SRPK2: variants seen among roughly 807,000 people sequenced by gnomAD.
The protein encoded by SRPK2 is SFRS protein kinase 2.
In SRPK2, 21 loss-of-function variants were observed where a neutral mutation model predicts 90.8. That is an observed-to-expected ratio of 0.23 (90% confidence interval 0.16 to 0.33). The LOEUF (loss-of-function observed/expected upper bound fraction) is 0.33. Among genes scored for constraint, SRPK2 ranks in the 10% least tolerant of loss-of-function variants. The pLI, the probability that SRPK2 is intolerant of heterozygous loss-of-function variation, is 1.00. For synonymous variants in SRPK2, 288 were observed against 311.1 expected, an observed-to-expected ratio of 0.93 and a Z score of 0.78; for missense variants, 620 against 869.0, an observed-to-expected ratio of 0.71 and a Z score of 3.60.
At chr7:105,157,909 A>T (rs1806772336) in intron 7 of SRPK2, among the ~76,000 whole-genome samples, 1 of 152,090 alleles carries the variant, frequency 6.6e-6, no homozygotes, top group Non-Finnish European at 1.5e-5. Flanking sequence ...CTCTACAAAA[A>T]AATAAAAATT....
intron 2 of SRPK2, among the ~76,000 whole-genome samples, chr7:105,278,143 C>T (rs1401176798): frequency 6.6e-6 from 1 of 151,294 alleles, no homozygotes; most frequent in African/African-American, 2.4e-5. Flanking sequence ...AGGTGAAAAC[C>T]CGTCTCTATT....
chr7:105,222,301 C>T (rs1798193045), intron 2 of SRPK2, among the ~76,000 whole-genome samples: 1 of 152,200 alleles, frequency 6.6e-6, no homozygotes, highest in Non-Finnish European at 1.5e-5. Context: ...GCTTCTGATG[C>T]CCTTGCACAG....
At chr7:105,227,553 T>G (rs1585252567) in intron 2 of SRPK2, among the ~76,000 whole-genome samples, 1 of 152,078 alleles carries the variant, frequency 6.6e-6, no homozygotes, top group Non-Finnish European at 1.5e-5. Flanking sequence ...TCCAGTAGGA[T>G]AACTACAAGT....
intron 3 of SRPK2, among the ~76,000 whole-genome samples, chr7:105,176,621 G>GTATA (rs60848545): frequency 0.42 from 61,800 of 147,560 alleles, 14,129 homozygotes; most frequent in Non-Finnish European, 0.51. Flanking sequence ...ATACGTGTGT[G>GTATA]TATATATATA....
Position 105,308,078 on chromosome 7 carries a change from C to A in SRPK2, c.71+80570G>T, listed in dbSNP as rs186299402. On this transcript the variant is annotated intron_variant, in intron 2 of 15. Transcript: ENST00000393651. ...AGCTTTACTACTATAGTTATGGGTT[C>A]GTCACCCAAATATACCCCAAAATTA... 5.1e-4 allele frequency among the ~76,000 whole-genome samples: 78 copies of A among 152,216 alleles called. 1 individual carries two copies. The highest frequency in any genetic ancestry group is 2.0e-3 in the Admixed American group (31 of 15,288).
At chr7:105,362,317 T>C (rs1289604327) in intron 2 of SRPK2, among the ~76,000 whole-genome samples, 2 of 151,730 alleles carry the variant, frequency 1.3e-5, no homozygotes, top group Non-Finnish European at 2.9e-5. Flanking sequence ...CATTAAAAAG[T>C]CAGGAAATGG....
At chr7:105,337,610 T>C (rs376876117) in intron 2 of SRPK2, among the ~76,000 whole-genome samples, 5 of 152,086 alleles carry the variant, frequency 3.3e-5, no homozygotes, top group East Asian at 3.9e-4. Flanking sequence ...CCACCACCAC[T>C]GGCCTCATGA....
chr7:105,243,968 T>G (rs919902146), intron 2 of SRPK2, among the ~76,000 whole-genome samples: 7 of 152,136 alleles, frequency 4.6e-5, no homozygotes, highest in African/African-American at 1.7e-4. Context: ...CTGCCATTAA[T>G]AAGATGAGTG....
intron 2 of SRPK2, among the ~76,000 whole-genome samples, chr7:105,231,134 T>C (rs1243550632): frequency 6.6e-6 from 1 of 152,194 alleles, no homozygotes; most frequent in Non-Finnish European, 1.5e-5. Context: ...TTGTGCTGAT[T>C]TGATGAGTTC....
At chr7:105,187,108 T>C (rs1439713441) in intron 3 of SRPK2, among the ~76,000 whole-genome samples, 4 of 152,140 alleles carry the variant, frequency 2.6e-5, no homozygotes, top group Non-Finnish European at 5.9e-5. Flanking sequence ...TAAAAAGGGG[T>C]TTAAGGCTAA....
chr7:105,388,132 A>C (rs866536994), intron 2 of SRPK2, among the ~76,000 whole-genome samples: 76 of 152,080 alleles, frequency 5.0e-4, no homozygotes, highest in African/African-American at 1.7e-3. Flanking sequence ...TTCTCAGCAG[A>C]AAGGCCGACA....
chr7:105,301,360 GC>G (rs1810530994), intron 2 of SRPK2, among the ~76,000 whole-genome samples: 1 of 151,762 alleles, frequency 6.6e-6, no homozygotes, highest in South Asian at 2.1e-4. Flanking sequence ...CGCTGCCGAG[GC>G]CAGGGGCACG....
chr7:105,247,561 C>CACACACACACAG (rs1554478329), intron 2 of SRPK2, among the ~76,000 whole-genome samples: 1 of 149,356 alleles, frequency 6.7e-6, no homozygotes, highest in Non-Finnish European at 1.5e-5. Context: ...CACACACACA[C>CACACACACACAG]AGAAGTTATA....
rs560199787 is a variant in SRPK2 at position 105,116,435 on chromosome 7, T to C, written c.*1403A>G. The C allele has an allele frequency of 1.3e-5, 2 of 152,372 alleles. No homozygotes were observed. Among genetic ancestry groups the C allele is most frequent in the African/African-American group, 4.8e-5 (2 of 41,488 alleles). The allele number at this position is 152,372 out of a possible 1,614,324, so 9.4% of individuals were successfully genotyped here. The stretch of plus-strand genomic sequence containing the variant: ...AGACAACTGCAAGCACCTCAAACAA[T>C]GGATTATTGTTACAACACTTGTTAG... On this transcript the variant is annotated 3_prime_UTR_variant, in exon 16 of 16. Coordinates refer to ENST00000393651, the MANE Select transcript of SRPK2 (RefSeq NM_182692.3).
At chr7:105,277,082 T>G (rs1563181620) in intron 2 of SRPK2, among the ~76,000 whole-genome samples, 1 of 143,706 alleles carries the variant, frequency 7.0e-6, no homozygotes, top group East Asian at 3.1e-4. Context: ...CTTATTATTA[T>G]TATTTTTTTT....
At chr7:105,176,867 T>A (rs879514989) in intron 3 of SRPK2, among the ~76,000 whole-genome samples, 5 of 152,060 alleles carry the variant, frequency 3.3e-5, no homozygotes, top group Non-Finnish European at 5.9e-5. Context: ...ACTCTTGACC[T>A]CAGGTGATCC....
intron 2 of SRPK2, chr7:105,306,198 T>G (rs888938601): frequency 5.8e-6 from 1 of 171,084 alleles, no homozygotes; most frequent in Non-Finnish European, 1.3e-5. Context: ...ATGAGAATTT[T>G]TGCTGGTATT....
At chr7:105,364,631 T>C (rs918022257) in intron 2 of SRPK2, among the ~76,000 whole-genome samples, 1 of 152,094 alleles carries the variant, frequency 6.6e-6, no homozygotes, top group African/African-American at 2.4e-5. Context: ...CTCAAACTCC[T>C]GATCTCGTGA....
chr7:105,194,109 ATTT>A (rs1293571420), intron 3 of SRPK2, among the ~76,000 whole-genome samples: 1 of 152,076 alleles, frequency 6.6e-6, no homozygotes, highest in South Asian at 2.1e-4. Flanking sequence ...AGTCTAATTA[ATTT>A]TTTATTTTAT....
Sources: gnomAD v4.1 joint callset for allele counts (sites outside exome capture counted in the v4.1 genomes callset) on GRCh38, gnomAD v4.1.1 for gene constraint, MANE v1.5 for transcripts, NCBI Gene and HGNC (gene_info 2026-07-23, HGNC 2026-07-21) for gene names.